Variants in LACTBL1 observed in about 807,000 individuals in gnomAD.
LACTBL1 encodes lactamase beta like 1, also known as beta-lactamase-like protein 1.
Under a neutral mutation model 39.6 loss-of-function variants are expected in LACTBL1, and 29 were observed. That is an observed-to-expected ratio of 0.73 (90% CI 0.55 to 1.00). The LOEUF (loss-of-function observed/expected upper bound fraction) is 1.00. Among genes scored for constraint, LACTBL1 ranks in the 50% least tolerant of loss-of-function variants. The pLI is 0.00. For synonymous variants in LACTBL1, 361 were observed against 360.7 expected, an observed-to-expected ratio of 1.00 and a Z score of -0.01; for missense variants, 711 against 748.5, an observed-to-expected ratio of 0.95 and a Z score of 0.59.
intron 5 of LACTBL1, among the ~76,000 whole-genome samples, chr1:22,954,637 A>G (rs1640743650): frequency 6.6e-6 from 1 of 152,212 alleles, no homozygotes; most frequent in Non-Finnish European, 1.5e-5. Context: ...GATAAAGTGC[A>G]CCACCCAAGG....
At chr1:22,963,633 C>T (rs1012180772) in intron 1 of LACTBL1, among the ~76,000 whole-genome samples, 4 of 152,196 alleles carry the variant, frequency 2.6e-5, no homozygotes, top group Non-Finnish European at 4.4e-5. Flanking sequence ...AGCGACAACT[C>T]ATTCTCTCAC....
chr1:22,961,019 G>A (rs902149962), intron 2 of LACTBL1, among the ~76,000 whole-genome samples: 1 of 151,928 alleles, frequency 6.6e-6, no homozygotes, highest in Admixed American at 6.6e-5. Context: ...ACCTCAAGCA[G>A]TCTTCCCACC....
chr1:22,965,165 G>A, intron 1 of LACTBL1, 125 bp downstream of exon 3: 2 of 817,296 alleles, frequency 2.4e-6, no homozygotes, highest in Non-Finnish European at 3.4e-6. Flanking sequence ...TCAGAATGGA[G>A]TCCAGAGCTT....
exon 6 of LACTBL1, chr1:22,953,555 G>T (rs1332869582): frequency 8.0e-7 from 1 of 1,249,452 alleles, no homozygotes; most frequent in Non-Finnish European, 1.0e-6. Context: ...CGCAGCGGGG[G>T]CACCAGCGAG....
At chr1:22,957,754 G>A (rs1640777038) in intron 4 of LACTBL1, among the ~76,000 whole-genome samples, 1 of 141,264 alleles carries the variant, frequency 7.1e-6, no homozygotes, top group Admixed American at 7.6e-5. Flanking sequence ...AGGTTCAAGA[G>A]ATTCTCCTGC....
chr1:22,967,156 C>G (rs1482477824), upstream of LACTBL1, among the ~76,000 whole-genome samples: 1 of 152,084 alleles, frequency 6.6e-6, no homozygotes, highest in African/African-American at 2.4e-5. Flanking sequence ...ATCACTTGAG[C>G]CCAGGAGTTC....
chr1:22,968,857 T>A (rs776846833), upstream of LACTBL1, among the ~76,000 whole-genome samples: 16 of 152,250 alleles, frequency 1.1e-4, no homozygotes, highest in Non-Finnish European at 2.1e-4. Context: ...TGACACATTG[T>A]AAGCCCTGTT....
At chr1:22,953,822 C>G in exon 6 of LACTBL1, 1 of 1,547,720 alleles carries the variant, frequency 6.5e-7, no homozygotes, top group Non-Finnish European at 8.7e-7. Context: ...CAGCCCAGGT[C>G]ATAGAGTGGC....
chr1:22,953,869 C>T (rs914341416), exon 6 of LACTBL1: 3 of 1,548,810 alleles, frequency 1.9e-6, no homozygotes, highest in Admixed American at 2.0e-5. Context: ...CGCGGCCAGG[C>T]GCGCGCGCAC....
chr1:22,965,135 A>T (rs2124238876), intron 1 of LACTBL1, among the ~76,000 whole-genome samples, 155 bp downstream of exon 3: 1 of 152,290 alleles, frequency 6.6e-6, no homozygotes, highest in Admixed American at 6.5e-5. Context: ...CCAAAGATGC[A>T]CAGCTAGTGA....
chr1:22,954,794 A>G (rs984475397), intron 5 of LACTBL1, among the ~76,000 whole-genome samples: 3 of 152,166 alleles, frequency 2.0e-5, no homozygotes, highest in Admixed American at 2.0e-4. Flanking sequence ...CAGAGGGACA[A>G]ATTTGGAAAA....
At chr1:22,968,372 T>G (rs941317422), upstream of LACTBL1, among the ~76,000 whole-genome samples, 3 of 152,210 alleles carry the variant, frequency 2.0e-5, no homozygotes, top group African/African-American at 7.2e-5. Context: ...CATACTATTC[T>G]GTTCCTCTCT....
chr1:22,968,660 G>A (rs1354260982), upstream of LACTBL1, among the ~76,000 whole-genome samples: 1 of 152,076 alleles, frequency 6.6e-6, no homozygotes, highest in East Asian at 1.9e-4. Flanking sequence ...ATAGTGTAGT[G>A]GTGAATCCAT....
At chr1:22,972,186 A>G in the LACTBL1 span, 1 of 118,448 alleles carries the variant, frequency 8.4e-6, no homozygotes, top group African/African-American at 3.3e-5. Context: ...GATGATGATG[A>G]TGATGAAGGT....
At chr1:22,960,188 C>A in intron 2 of LACTBL1, 89 bp from the exon 5 acceptor site, 1 of 1,461,040 alleles carries the variant, frequency 6.8e-7, no homozygotes, top group Non-Finnish European at 9.2e-7. Context: ...CATAGTCACA[C>A]CCTGCATGCA....
chr1:22,954,889 T>C (rs778997293), intron 5 of LACTBL1, among the ~76,000 whole-genome samples: 38 of 152,134 alleles, frequency 2.5e-4, no homozygotes, highest in Non-Finnish European at 4.3e-4. Context: ...GCCCCACTGC[T>C]CCCAGAGTGG....
intron 4 of LACTBL1, among the ~76,000 whole-genome samples, chr1:22,957,640 C>CTTTTTTTTTTTTTTTTTTTTTTATTTTT (rs1640775069): frequency 1.8e-5 from 1 of 56,640 alleles, no homozygotes; most frequent in Non-Finnish European, 3.0e-5. Flanking sequence ...TCTTAATATT[C>CTTTTTTTTTTTTTTTTTTTTTTATTTTT]TTTTTTTTTT....
the LACTBL1 span, among the ~76,000 whole-genome samples, chr1:22,970,687 G>C: frequency 6.6e-6 from 1 of 151,866 alleles, no homozygotes; most frequent in African/African-American, 2.4e-5. Context: ...GCATGCACCT[G>C]TAGTCCCAGC....
At chr1:22,966,500 A>G (rs543292591), upstream of LACTBL1, among the ~76,000 whole-genome samples, 3 of 152,336 alleles carry the variant, frequency 2.0e-5, no homozygotes, top group East Asian at 5.8e-4. Context: ...AAATGAAAGG[A>G]GACATCACTA....
Sources: allele counts gnomAD v4.1 joint callset (sites outside exome capture counted in the v4.1 genomes callset), GRCh38; gene constraint gnomAD v4.1.1; transcripts MANE v1.5; gene names NCBI Gene and HGNC (gene_info 2026-07-23, HGNC 2026-07-21).